The following CPNE4 variants were observed in gnomAD, a reference collection of about 807,000 sequenced individuals.
CPNE4 encodes copine 4.
CPNE4 carries 25 observed loss-of-function variants against 67.9 expected under a neutral mutation model. That is an observed-to-expected ratio of 0.37 (90% CI 0.27 to 0.51). CPNE4 has a LOEUF of 0.51. CPNE4 is among the 20% of genes least tolerant of loss of function. The probability of loss-of-function intolerance (pLI) is 0.93; values close to 1 mark genes in which losing one functional copy is unlikely to be tolerated. For missense variants in CPNE4, 464 were observed against 690.8 expected (o/e 0.67, Z 3.68); for synonymous variants, 242 against 244.9 (o/e 0.99, Z 0.11).
intron 2 of CPNE4, among the ~76,000 whole-genome samples, chr3:131,822,196 A>G (rs1262867939): frequency 6.6e-6 from 1 of 152,252 alleles, no homozygotes; most frequent in African/African-American, 2.4e-5. Flanking sequence ...TAAATTACAT[A>G]GAGTTTTAAA....
intron 2 of CPNE4, 22 bp from the exon 3 acceptor site, chr3:131,723,647 C>T: frequency 1.9e-6 from 3 of 1,595,776 alleles, no homozygotes; most frequent in Non-Finnish European, 2.6e-6. Context: ...AAGAGAAAAC[C>T]TATCAGAGAT....
rs541946510 is a variant in CPNE4, at chr3:131,991,761, G to A, written c.-2+42806C>T. ...CAACCCCTCCCATCACAGGCCCAGA[G>A]GTCTAGGAGGGAAAAATTGTTTCCT... On this transcript the variant is annotated intron_variant, in intron 1 of 15. Transcript: ENST00000429747. Among the ~76,000 whole-genome samples the A allele has an allele frequency of 2.4e-4, 33 of 134,928 alleles. 7 individuals are homozygous for A. Among genetic ancestry groups the A allele is most frequent in the Non-Finnish European group, 3.2e-4 (19 of 59,474 alleles). 88.5% of individuals were successfully genotyped at this position (134,928 alleles called of 152,430 possible).
At chr3:131,562,760 C>T (rs1352295223) in intron 11 of CPNE4, among the ~76,000 whole-genome samples, 4 of 151,980 alleles carry the variant, frequency 2.6e-5, no homozygotes, top group Admixed American at 2.6e-4. Context: ...CTCTAGGAAC[C>T]CCCTCACCCA....
At chr3:131,738,074 G>C (rs2082279492) in intron 2 of CPNE4, among the ~76,000 whole-genome samples, 1 of 152,206 alleles carries the variant, frequency 6.6e-6, no homozygotes, top group African/African-American at 2.4e-5. Context: ...GTTTATAATA[G>C]ATGTGTTACT....
At chr3:131,708,959 TATATATA>T (rs1318243075) in intron 3 of CPNE4, among the ~76,000 whole-genome samples, 2 of 55,708 alleles carry the variant, frequency 3.6e-5, no homozygotes, top group African/African-American at 2.2e-4. Context: ...GGCATAAAGA[TATATATA>T]TATATATATA....
At chr3:131,728,503 G>A (rs2082050724) in intron 2 of CPNE4, among the ~76,000 whole-genome samples, 1 of 152,182 alleles carries the variant, frequency 6.6e-6, no homozygotes, top group South Asian at 2.1e-4. Context: ...AACATAAAAT[G>A]TGGAACTGAT....
intron 7 of CPNE4, among the ~76,000 whole-genome samples, chr3:131,594,402 T>C (rs1322298999): frequency 6.6e-6 from 1 of 152,184 alleles, no homozygotes; most frequent in Non-Finnish European, 1.5e-5. Flanking sequence ...ACTATTCATA[T>C]ATATTCAACT....
chr3:131,927,156 C>T (rs767986016), intron 1 of CPNE4, among the ~76,000 whole-genome samples: 1 of 152,100 alleles, frequency 6.6e-6, no homozygotes, highest in Non-Finnish European at 1.5e-5. Flanking sequence ...TCCTATTTTA[C>T]GGATGGGTAA....
At chr3:131,861,402 TTGTGTG>T (rs5852659) in intron 2 of CPNE4, among the ~76,000 whole-genome samples, 4,367 of 144,410 alleles carry the variant, frequency 0.03, 93 homozygotes, top group East Asian at 0.062. Context: ...TATCTCATCT[TTGTGTG>T]TGTGTGTGTG....
At chr3:131,575,022 C>G in intron 10 of CPNE4, 49 bp downstream of exon 10, 1 of 1,528,432 alleles carries the variant, frequency 6.5e-7, no homozygotes. Context: ...CACCCCTCAT[C>G]TCTTGATTCC....
chr3:131,634,361 T>C (rs1344725599), intron 7 of CPNE4, among the ~76,000 whole-genome samples: 3 of 152,172 alleles, frequency 2.0e-5, no homozygotes, highest in Non-Finnish European at 2.9e-5. Context: ...AAATCTAGAT[T>C]AGAAATAATA....
At chr3:131,817,858 C>G (rs905420821) in intron 2 of CPNE4, among the ~76,000 whole-genome samples, 1 of 152,212 alleles carries the variant, frequency 6.6e-6, no homozygotes, top group Admixed American at 6.5e-5. Flanking sequence ...TTTACCACCT[C>G]TCCTAAATGA....
chr3:131,541,816 G>A (rs1031980129), intron 15 of CPNE4, among the ~76,000 whole-genome samples: 4 of 151,766 alleles, frequency 2.6e-5, no homozygotes, highest in South Asian at 2.1e-4. Context: ...GATTACAGGC[G>A]CCTGCCACCA....
chr3:132,022,845 T>C (rs1157402168), intron 1 of CPNE4, among the ~76,000 whole-genome samples: 1 of 152,206 alleles, frequency 6.6e-6, no homozygotes, highest in Non-Finnish European at 1.5e-5. Flanking sequence ...ATCTGCTACA[T>C]CCATATAATC....
At chr3:131,725,729 A>C (rs1188463941) in intron 2 of CPNE4, among the ~76,000 whole-genome samples, 1 of 152,234 alleles carries the variant, frequency 6.6e-6, no homozygotes, top group Non-Finnish European at 1.5e-5. Flanking sequence ...TCCTACTCAA[A>C]GTATTTTTCC....
At chr3:131,939,945 G>C (rs372027252) in intron 1 of CPNE4, among the ~76,000 whole-genome samples, 4 of 152,228 alleles carry the variant, frequency 2.6e-5, no homozygotes, top group East Asian at 1.9e-4. Context: ...AGCACAAAGA[G>C]TTGGAGTAAC....
At chr3:131,670,643 C>G (rs954419634) in intron 6 of CPNE4, among the ~76,000 whole-genome samples, 2 of 152,134 alleles carry the variant, frequency 1.3e-5, no homozygotes, top group Admixed American at 6.5e-5. Flanking sequence ...ATTTCTAGTC[C>G]CCACCCAGAA....
chr3:131,698,003 G>A (rs1026107718), intron 4 of CPNE4, among the ~76,000 whole-genome samples: 8 of 151,834 alleles, frequency 5.3e-5, no homozygotes, highest in East Asian at 1.9e-4. Flanking sequence ...GAGGTGAGGC[G>A]GGCGGATCAC....
chr3:131,863,940 C>CA (rs1190751069), intron 2 of CPNE4, among the ~76,000 whole-genome samples: 1 of 152,176 alleles, frequency 6.6e-6, no homozygotes, highest in African/African-American at 2.4e-5. Flanking sequence ...CCAGTTTTCC[C>CA]AGCACCATTT....
Sources: allele counts gnomAD v4.1 joint callset (sites outside exome capture counted in the v4.1 genomes callset), GRCh38; gene constraint gnomAD v4.1.1; transcripts MANE v1.5; gene names NCBI Gene and HGNC (gene_info 2026-07-23, HGNC 2026-07-21).